Variants in ARHGAP6 observed in about 807,000 individuals in gnomAD.
ARHGAP6 encodes Rho GTPase activating protein 6.
In ARHGAP6, 16 loss-of-function variants were observed where a neutral mutation model predicts 55.7. The observed-to-expected ratio is 0.29, with a 90% CI of 0.19 to 0.44. ARHGAP6 has a LOEUF of 0.44. ARHGAP6 is among the 20% of genes least tolerant of loss of function. The probability of loss-of-function intolerance (pLI) is 1.00; values close to 1 mark genes in which losing one functional copy is unlikely to be tolerated. For synonymous variants in ARHGAP6, 382 were observed against 360.9 expected (o/e 1.06, Z -0.66); for missense variants, 698 against 808.9 (o/e 0.86, Z 1.66).
At chrX:11,379,791 G>A (rs2049242202) in intron 1 of ARHGAP6, among the ~76,000 whole-genome samples, 1 of 110,472 alleles carries the variant, frequency 9.1e-6, no homozygotes, top group African/African-American at 3.3e-5. Flanking sequence ...AGTTGATTAA[G>A]GTACTTAATG....
chrX:11,153,652 C>T lies in ARHGAP6; in HGVS notation c.1907+2877G>A, dbSNP rs2045821924. Among the ~76,000 whole-genome samples, 4 of 108,896 alleles carry T rather than the reference C, an allele frequency of 3.7e-5. No individual in the cohort carries two copies. The Admixed American group carries it at 3.9e-4, about 11-fold the overall frequency. 94.6% of individuals were successfully genotyped at this position (108,896 alleles called of 115,157 possible). ...CATATGCATTTTTACTTCATGACAT[C>T]ATTCTCTGCCTTCTGGGCTGTTCCT... On this transcript the variant is annotated intron_variant, in intron 10 of 12. Coordinates refer to ENST00000337414, the MANE Select transcript of ARHGAP6 (RefSeq NM_013427.3).
chrX:11,573,987 T>C (rs1332895757), intron 1 of ARHGAP6, among the ~76,000 whole-genome samples: 1 of 111,597 alleles, frequency 9.0e-6, no homozygotes, highest in African/African-American at 3.3e-5. Flanking sequence ...GCTCTCTGTT[T>C]CTTCCTCGAC....
intron 9 of ARHGAP6, among the ~76,000 whole-genome samples, chrX:11,164,649 G>C (rs370909596): frequency 5.4e-5 from 6 of 112,109 alleles, no homozygotes; most frequent in African/African-American, 1.9e-4. Flanking sequence ...CTGGTCCCCA[G>C]TTCAGGCTGA....
intron 1 of ARHGAP6, among the ~76,000 whole-genome samples, chrX:11,358,413 G>T (rs935504226): frequency 3.8e-5 from 4 of 106,364 alleles, no homozygotes; most frequent in Non-Finnish European, 5.8e-5. Flanking sequence ...TCATATGGTA[G>T]TTCTACGTTT....
rs1156673949 is a variant in ARHGAP6 at position 11,302,164 on chromosome X, A to G, written c.589-47457T>C. ...TAAAATTCAATTCCTCCGTCATAGT[A>G]GACACATTTTAAGCGCTAAATAGCC... On this transcript the variant is annotated intron_variant, in intron 1 of 12. Transcript: ENST00000337414. 1.2e-4 allele frequency among the ~76,000 whole-genome samples: 13 copies of G among 112,492 alleles called. No individual in the cohort carries two copies. In the East Asian group the frequency reaches 1.4e-3, roughly 12 times the overall value.
intron 1 of ARHGAP6, among the ~76,000 whole-genome samples, chrX:11,631,375 AT>A (rs1374508798): frequency 9.1e-6 from 1 of 109,956 alleles, no homozygotes; most frequent in Non-Finnish European, 1.9e-5. Context: ...AAATACAAAA[AT>A]TAGCCAGGCG....
At chrX:11,352,632 T>G (rs1328745649) in intron 1 of ARHGAP6, among the ~76,000 whole-genome samples, 1 of 111,660 alleles carries the variant, frequency 9.0e-6, no homozygotes, top group Non-Finnish European at 1.9e-5. Flanking sequence ...AAGAGAGATT[T>G]CGGCACATCT....
At chrX:11,259,196 T>C (rs774946687) in intron 1 of ARHGAP6, among the ~76,000 whole-genome samples, 1 of 111,633 alleles carries the variant, frequency 9.0e-6, no homozygotes, top group African/African-American at 3.3e-5. Flanking sequence ...ATGAGTTCAA[T>C]TGCTTTGATT....
At chrX:11,306,704 C>T (rs1204769041) in intron 1 of ARHGAP6, among the ~76,000 whole-genome samples, 1 of 112,337 alleles carries the variant, frequency 8.9e-6, no homozygotes, top group Admixed American at 9.4e-5. Context: ...CTCTAGGATT[C>T]TAATTAAACA....
chrX:11,659,111 T>C (rs2052668759), intron 1 of ARHGAP6, among the ~76,000 whole-genome samples: 1 of 111,364 alleles, frequency 9.0e-6, no homozygotes, highest in Admixed American at 9.5e-5. Flanking sequence ...TTCAAGGAGT[T>C]CAACAGAGCA....
At chrX:11,272,538 C>G (rs927138933) in intron 1 of ARHGAP6, among the ~76,000 whole-genome samples, 3 of 109,635 alleles carry the variant, frequency 2.7e-5, no homozygotes, top group Non-Finnish European at 5.7e-5. Context: ...TGACTGCACT[C>G]TCCATATATT....
intron 1 of ARHGAP6, among the ~76,000 whole-genome samples, chrX:11,490,938 G>A (rs1029605803): frequency 2.7e-5 from 3 of 112,332 alleles, no homozygotes; most frequent in Non-Finnish European, 5.6e-5. Context: ...TTTAATGTTG[G>A]AATTGTAATG....
intron 1 of ARHGAP6, among the ~76,000 whole-genome samples, chrX:11,573,919 T>C (rs2051563444): frequency 9.0e-6 from 1 of 111,596 alleles, no homozygotes; most frequent in South Asian, 3.8e-4. Flanking sequence ...GTAAGTTGAA[T>C]TCCTAGGTAT....
chrX:11,649,991 C>CTTTTTT (rs201517374), intron 1 of ARHGAP6, among the ~76,000 whole-genome samples: 9 of 88,107 alleles, frequency 1.0e-4, no homozygotes, highest in East Asian at 7.0e-4. Flanking sequence ...ACTTTCTTTT[C>CTTTTTT]TTTTTTTTTT....
intron 1 of ARHGAP6, among the ~76,000 whole-genome samples, chrX:11,416,169 C>T (rs1338497695): frequency 1.8e-5 from 2 of 111,686 alleles, no homozygotes; most frequent in Middle Eastern, 4.6e-3. Flanking sequence ...TGGAAGGCCT[C>T]ATTCTCAAAC....
intron 1 of ARHGAP6, among the ~76,000 whole-genome samples, chrX:11,348,396 ACAGCAAAGAGTCCC>A (rs2048815115): frequency 9.0e-6 from 1 of 111,558 alleles, no homozygotes; most frequent in African/African-American, 3.3e-5. Flanking sequence ...ACCCTGGAAA[ACAGCAAAGAGTCCC>A]CATCATGGGA....
intron 1 of ARHGAP6, among the ~76,000 whole-genome samples, chrX:11,534,520 C>A (rs368934460): frequency 4.6e-5 from 5 of 109,655 alleles, no homozygotes; most frequent in African/African-American, 1.7e-4. Flanking sequence ...TAGAAGCATC[C>A]CTCCCCTCCA....
At chrX:11,474,777 C>G (rs889122117) in intron 1 of ARHGAP6, among the ~76,000 whole-genome samples, 2 of 110,797 alleles carry the variant, frequency 1.8e-5, no homozygotes, top group Non-Finnish European at 3.8e-5. Flanking sequence ...GGGGCAGATC[C>G]CTCATGAAGG....
chrX:11,431,347 G>T (rs1472298458), intron 1 of ARHGAP6, among the ~76,000 whole-genome samples: 1 of 112,270 alleles, frequency 8.9e-6, no homozygotes, highest in East Asian at 2.8e-4. Context: ...TGCCCTTTCT[G>T]CCAGAGCATT....
Sources: gnomAD v4.1 joint callset for allele counts (sites outside exome capture counted in the v4.1 genomes callset) on GRCh38, gnomAD v4.1.1 for gene constraint, MANE v1.5 for transcripts, NCBI Gene and HGNC (gene_info 2026-07-23, HGNC 2026-07-21) for gene names.